NPAS3: variants seen among roughly 807,000 people sequenced by gnomAD.
The protein encoded by NPAS3 is neuronal PAS domain-containing protein 3.
NPAS3 carries 14 observed loss-of-function variants against 73.1 expected under a neutral mutation model. The observed-to-expected ratio is 0.19, with a 90% CI of 0.13 to 0.30. The LOEUF (loss-of-function observed/expected upper bound fraction) is 0.30. Ranked by LOEUF, NPAS3 falls within the 10% of genes least tolerant of loss-of-function variation. The probability of loss-of-function intolerance (pLI) is 1.00; values close to 1 mark genes in which losing one functional copy is unlikely to be tolerated. For missense variants in NPAS3, 1,096 were observed against 1,250.0 expected, an observed-to-expected ratio of 0.88 and a Z score of 1.86; for synonymous variants, 620 against 541.5, an observed-to-expected ratio of 1.14 and a Z score of -2.01.
At chr14:33,470,061 G>A (rs1401743723) in intron 4 of NPAS3, among the ~76,000 whole-genome samples, 1 of 152,206 alleles carries the variant, frequency 6.6e-6, no homozygotes, top group Admixed American at 6.5e-5. Flanking sequence ...ACTTTGACTG[G>A]AACACCTACC....
intron 6 of NPAS3, among the ~76,000 whole-genome samples, chr14:33,681,219 TA>T (rs941583415): frequency 6.6e-6 from 1 of 152,126 alleles, no homozygotes; most frequent in African/African-American, 2.4e-5. Context: ...ATATTTTGTA[TA>T]AAAAAACGGC....
At chr14:32,997,679 C>G (rs1179526534) in intron 1 of NPAS3, among the ~76,000 whole-genome samples, 1 of 151,264 alleles carries the variant, frequency 6.6e-6, no homozygotes, top group African/African-American at 2.4e-5. Context: ...AATCCCAGCA[C>G]TTTGGGAGGC....
intron 4 of NPAS3, among the ~76,000 whole-genome samples, chr14:33,407,077 C>A (rs754003000): frequency 6.6e-6 from 1 of 152,178 alleles, no homozygotes; most frequent in Admixed American, 6.5e-5. Flanking sequence ...TCAAGACCTA[C>A]AAATTATCTG....
intron 3 of NPAS3, among the ~76,000 whole-genome samples, chr14:33,229,875 G>T (rs773872280): frequency 6.6e-6 from 1 of 152,222 alleles, no homozygotes; most frequent in Non-Finnish European, 1.5e-5. Flanking sequence ...CAGCATGAAA[G>T]AATAGATTCA....
intron 1 of NPAS3, among the ~76,000 whole-genome samples, chr14:32,950,362 T>C (rs2036432153): frequency 6.6e-6 from 1 of 152,128 alleles, no homozygotes; most frequent in African/African-American, 2.4e-5. Context: ...GAATTATATA[T>C]GCAAGAGTTA....
intron 5 of NPAS3, among the ~76,000 whole-genome samples, chr14:33,660,320 A>C (rs996256086): frequency 6.6e-6 from 1 of 152,174 alleles, no homozygotes; most frequent in Non-Finnish European, 1.5e-5. Context: ...TTCCTTCTCC[A>C]GCTTTTATTT....
At chr14:33,414,708 C>T (rs560910283) in intron 4 of NPAS3, among the ~76,000 whole-genome samples, 224 of 152,104 alleles carry the variant, frequency 1.5e-3, no homozygotes, top group African/African-American at 5.2e-3. Context: ...ATAATACTAC[C>T]TTCTCAGTTA....
chr14:33,756,952 G>T (rs1426119914), intron 7 of NPAS3, among the ~76,000 whole-genome samples: 1 of 152,216 alleles, frequency 6.6e-6, no homozygotes, highest in Non-Finnish European at 1.5e-5. Flanking sequence ...AAGAGGAAAA[G>T]GGATTTGATA....
chr14:33,286,005 G>T (rs2041860113), intron 3 of NPAS3, among the ~76,000 whole-genome samples: 1 of 152,100 alleles, frequency 6.6e-6, no homozygotes, highest in Non-Finnish European at 1.5e-5. Flanking sequence ...ACTGTTTTAT[G>T]GGATGTCTTT....
chr14:33,599,811 G>A (rs1428074161), intron 5 of NPAS3, among the ~76,000 whole-genome samples: 1 of 152,030 alleles, frequency 6.6e-6, no homozygotes, highest in Admixed American at 6.5e-5. Context: ...TTGTAGGGGA[G>A]GTTAATTAGT....
chr14:33,080,026 AG>A (rs2041815517), intron 2 of NPAS3, among the ~76,000 whole-genome samples: 1 of 152,222 alleles, frequency 6.6e-6, no homozygotes, highest in East Asian at 1.9e-4. Flanking sequence ...CCCATAAGAA[AG>A]TTACATATAG....
At chr14:33,471,035 C>T (rs1177797346) in intron 4 of NPAS3, among the ~76,000 whole-genome samples, 1 of 152,046 alleles carries the variant, frequency 6.6e-6, no homozygotes, top group Non-Finnish European at 1.5e-5. Flanking sequence ...GATAGAATTG[C>T]ACGTAGCCAG....
chr14:32,945,446 T>C (rs531602864), intron 1 of NPAS3, among the ~76,000 whole-genome samples: 1 of 152,298 alleles, frequency 6.6e-6, no homozygotes, highest in East Asian at 1.9e-4. Flanking sequence ...TCTCTTTAGT[T>C]TCCCCACTGA....
At chr14:33,266,585 A>G (rs1171272996) in intron 3 of NPAS3, among the ~76,000 whole-genome samples, 1 of 152,168 alleles carries the variant, frequency 6.6e-6, no homozygotes, top group Non-Finnish European at 1.5e-5. Flanking sequence ...ATACTTTACT[A>G]TATTCCTTAT....
intron 7 of NPAS3, among the ~76,000 whole-genome samples, chr14:33,740,660 C>T (rs1009733288): frequency 6.6e-6 from 1 of 152,186 alleles, no homozygotes; most frequent in Non-Finnish European, 1.5e-5. Flanking sequence ...AAATCTTTAT[C>T]GGTGCTTTAC....
At chr14:33,774,586 G>A in intron 8 of NPAS3, 56 bp downstream of exon 8, 1 of 1,425,464 alleles carries the variant, frequency 7.0e-7, no homozygotes, top group African/African-American at 1.4e-5. Context: ...GGTGAGGGTT[G>A]TGTTTCAGCC....
At chr14:33,494,799 C>T (rs957454781) in intron 4 of NPAS3, among the ~76,000 whole-genome samples, 2 of 152,040 alleles carry the variant, frequency 1.3e-5, no homozygotes, top group African/African-American at 4.8e-5. Context: ...TGTCACTGCC[C>T]TTCCTCATGG....
intron 2 of NPAS3, among the ~76,000 whole-genome samples, chr14:33,060,860 C>G (rs773537233): frequency 6.6e-6 from 1 of 152,162 alleles, no homozygotes; most frequent in Non-Finnish European, 1.5e-5. Context: ...CATGACAGGG[C>G]TTGGATAAAT....
intron 3 of NPAS3, among the ~76,000 whole-genome samples, chr14:33,339,386 A>T (rs1392848994): frequency 6.6e-6 from 1 of 152,170 alleles, no homozygotes; most frequent in Non-Finnish European, 1.5e-5. Context: ...GCATCAGCTT[A>T]CAGTGTTTAG....
Sources: gnomAD v4.1 joint callset for allele counts (sites outside exome capture counted in the v4.1 genomes callset) on GRCh38, gnomAD v4.1.1 for gene constraint, MANE v1.5 for transcripts, NCBI Gene and HGNC (gene_info 2026-07-23, HGNC 2026-07-21) for gene names.